Variants in IL1R1 observed in about 807,000 individuals in gnomAD.
IL1R1 encodes interleukin 1 receptor type 1.
A neutral mutation model predicts 50.2 loss-of-function variants in IL1R1; 22 were observed. That is an observed-to-expected ratio of 0.44 (90% CI 0.31 to 0.63). The LOEUF is 0.63. Among genes scored for constraint, IL1R1 ranks in the 20% least tolerant of loss-of-function variants. The pLI is 0.07. For missense variants in IL1R1, 509 were observed against 676.2 expected (o/e 0.75, Z 2.74); for synonymous variants, 251 against 236.7 (o/e 1.06, Z -0.55).
At chr2:102,137,496 G>A (rs1682411895) in intron 1 of IL1R1, among the ~76,000 whole-genome samples, 1 of 152,142 alleles carries the variant, frequency 6.6e-6, no homozygotes, top group South Asian at 2.1e-4. Context: ...GCTGTGGACT[G>A]GAGCACCTGT....
chr2:102,172,165 G>A (rs1456374341), intron 8 of IL1R1: 1 of 583,658 alleles, frequency 1.7e-6, no homozygotes, highest in Non-Finnish European at 2.1e-6. Context: ...CGTTATACAT[G>A]TTGCAACATT....
intron 1 of IL1R1, among the ~76,000 whole-genome samples, chr2:102,114,278 T>C (rs945318548): frequency 6.6e-6 from 1 of 152,220 alleles, no homozygotes; most frequent in Non-Finnish European, 1.5e-5. Context: ...AGGGACTTGG[T>C]AGATGTTTCT....
chr2:102,095,722 A>C (rs1011329433), intron 1 of IL1R1, among the ~76,000 whole-genome samples: 1 of 152,224 alleles, frequency 6.6e-6, no homozygotes, highest in Admixed American at 6.5e-5. Flanking sequence ...AAAGATTTTT[A>C]GGCCGGGCAC....
At chr2:102,102,203 G>A (rs1427190504), upstream of IL1R1, among the ~76,000 whole-genome samples, 2 of 152,234 alleles carry the variant, frequency 1.3e-5, no homozygotes, top group East Asian at 3.9e-4. Flanking sequence ...CTCTGGAAAG[G>A]GTACCAGGAA....
chr2:102,159,341 C>T (rs143137698), intron 3 of IL1R1, among the ~76,000 whole-genome samples: 1 of 152,308 alleles, frequency 6.6e-6, no homozygotes, highest in East Asian at 1.9e-4. Flanking sequence ...TGAGTTTTCT[C>T]CCCTTTGCTG....
At chr2:102,126,885 G>C (rs1198416790) in intron 1 of IL1R1, among the ~76,000 whole-genome samples, 2 of 152,232 alleles carry the variant, frequency 1.3e-5, no homozygotes, top group African/African-American at 2.4e-5. Flanking sequence ...TCTTGGGCCA[G>C]TGGCTGTCCA....
Position 102,126,711 on chromosome 2 carries a change from G to A in IL1R1, c.-84+21839G>A, listed in dbSNP as rs191027895. Reference sequence around the variant, plus strand: ...TGCACACCCAACCAAAAATACTCCCGCTTGTATTTAAAACTCACTTAGGTT... The same window carrying A: ...TGCACACCCAACCAAAAATACTCCCACTTGTATTTAAAACTCACTTAGGTT... On this transcript the variant is annotated intron_variant, in intron 1 of 10. Coordinates refer to the IL1R1 transcript ENST00000409329. 1.6e-4 allele frequency among the ~76,000 whole-genome samples: 24 copies of A among 151,870 alleles called. No homozygotes were observed. In the South Asian group the frequency reaches 2.9e-3, roughly 18 times the overall value.
intron 2 of IL1R1, among the ~76,000 whole-genome samples, chr2:102,154,248 G>A (rs535092770): frequency 6.6e-6 from 1 of 152,320 alleles, no homozygotes; most frequent in East Asian, 1.9e-4. Context: ...AGGTCACCTT[G>A]ACTGTGCTAC....
intron 1 of IL1R1, among the ~76,000 whole-genome samples, chr2:102,077,915 A>G (rs1300592206): frequency 4.6e-5 from 7 of 152,248 alleles, no homozygotes; most frequent in Non-Finnish European, 4.4e-5. Flanking sequence ...CAATAAAAGA[A>G]GAAAATTTAG....
At chr2:102,083,382 T>C (rs1019299371) in intron 1 of IL1R1, among the ~76,000 whole-genome samples, 16 of 152,150 alleles carry the variant, frequency 1.1e-4, no homozygotes, top group Non-Finnish European at 1.9e-4. Flanking sequence ...GGATGGTGTG[T>C]TCCCCAGAGT....
intron 1 of IL1R1, among the ~76,000 whole-genome samples, chr2:102,127,918 T>G (rs781644670): frequency 3.9e-5 from 6 of 152,228 alleles, no homozygotes; most frequent in Non-Finnish European, 5.9e-5. Flanking sequence ...TTTCTGAGTT[T>G]ACGTAAAGAA....
intron 6 of IL1R1, among the ~76,000 whole-genome samples, chr2:102,167,131 G>T (rs1331633917): frequency 6.6e-6 from 1 of 152,058 alleles, no homozygotes; most frequent in Non-Finnish European, 1.5e-5. Context: ...GGGACAACAG[G>T]TATAAATTGG....
At chr2:102,087,878 C>CA (rs1300177679) in intron 1 of IL1R1, among the ~76,000 whole-genome samples, 1 of 152,246 alleles carries the variant, frequency 6.6e-6, no homozygotes, top group African/African-American at 2.4e-5. Context: ...ACAGCATCTT[C>CA]ACCAAGAGTG....
At chr2:102,088,926 C>G (rs1679542790) in intron 1 of IL1R1, among the ~76,000 whole-genome samples, 1 of 152,226 alleles carries the variant, frequency 6.6e-6, no homozygotes, top group African/African-American at 2.4e-5. Flanking sequence ...TCACCTCTCT[C>G]AGCCTTCCTA....
At chr2:102,114,221 A>G (rs1680942117) in intron 1 of IL1R1, among the ~76,000 whole-genome samples, 1 of 152,256 alleles carries the variant, frequency 6.6e-6, no homozygotes, top group Non-Finnish European at 1.5e-5. Context: ...GCCCAAATCA[A>G]TACAAATGAA....
intron 1 of IL1R1, among the ~76,000 whole-genome samples, chr2:102,111,814 C>T (rs1387769374): frequency 6.6e-6 from 1 of 152,108 alleles, no homozygotes; most frequent in Non-Finnish European, 1.5e-5. Context: ...GCAAGTAGGG[C>T]TTCTCTGACA....
intron 1 of IL1R1, among the ~76,000 whole-genome samples, chr2:102,081,412 C>T (rs988688061): frequency 2.0e-5 from 3 of 152,166 alleles, no homozygotes; most frequent in Non-Finnish European, 4.4e-5. Flanking sequence ...AATAATCTTC[C>T]AACCTGCAAT....
intron 1 of IL1R1, among the ~76,000 whole-genome samples, chr2:102,077,217 C>A (rs1232972707): frequency 2.0e-5 from 3 of 151,994 alleles, no homozygotes; most frequent in Non-Finnish European, 2.9e-5. Context: ...ATTACAGGTG[C>A]CTGCCACCAT....
chr2:102,151,609 A>T (rs1683658066), intron 1 of IL1R1, among the ~76,000 whole-genome samples: 1 of 152,148 alleles, frequency 6.6e-6, no homozygotes, highest in African/African-American at 2.4e-5. Flanking sequence ...ACAACTAGGG[A>T]GCTACCCAAT....
Sources: allele counts gnomAD v4.1 joint callset (sites outside exome capture counted in the v4.1 genomes callset), GRCh38; gene constraint gnomAD v4.1.1; transcripts MANE v1.5; gene names NCBI Gene and HGNC (gene_info 2026-07-23, HGNC 2026-07-21).